The following KMT5B variants were observed in gnomAD, a reference collection of about 807,000 sequenced individuals.
KMT5B encodes histone-lysine N-methyltransferase KMT5B.
KMT5B carries 10 observed loss-of-function variants against 83.2 expected under a neutral mutation model. That is an observed-to-expected ratio of 0.12 (90% CI 0.07 to 0.20). The LOEUF (loss-of-function observed/expected upper bound fraction) is 0.20, where lower values mean the gene tolerates loss of function less well. Ranked by LOEUF, KMT5B falls within the 10% of genes least tolerant of loss-of-function variation. KMT5B has a pLI of 1.00. For synonymous variants in KMT5B, 349 were observed against 388.8 expected (o/e 0.90, Z 1.20); for missense variants, 753 against 1,067.2 (o/e 0.71, Z 4.10).
chr11:68,191,574 TC>T (rs1858073182), intron 1 of KMT5B, among the ~76,000 whole-genome samples: 1 of 152,106 alleles, frequency 6.6e-6, no homozygotes, highest in South Asian at 2.1e-4. Flanking sequence ...CCTCAAGTGA[TC>T]CACCTGCCTT....
chr11:68,201,445 C>G (rs1859430063), intron 1 of KMT5B, among the ~76,000 whole-genome samples: 1 of 152,276 alleles, frequency 6.6e-6, no homozygotes, highest in African/African-American at 2.4e-5. Context: ...CCTTCTCTTT[C>G]CAGGCTCTTT....
At chr11:68,181,183 G>A (rs188030719) in intron 3 of KMT5B, among the ~76,000 whole-genome samples, 4 of 150,514 alleles carry the variant, frequency 2.7e-5, no homozygotes, top group Admixed American at 6.7e-5. Flanking sequence ...CAAGTTATTC[G>A]CCTGCCTCAA....
At chr11:68,162,172 T>C (rs1369552098) in intron 10 of KMT5B, among the ~76,000 whole-genome samples, 2 of 152,218 alleles carry the variant, frequency 1.3e-5, no homozygotes, top group African/African-American at 4.8e-5. Context: ...GCATGAACTA[T>C]GGCAGTTTTG....
At chr11:68,206,828 T>C (rs1860176292) in intron 1 of KMT5B, among the ~76,000 whole-genome samples, 1 of 151,990 alleles carries the variant, frequency 6.6e-6, no homozygotes, top group Admixed American at 6.6e-5. Context: ...CCTCACCCAT[T>C]TAAAAAAGAA....
At chr11:68,194,463 G>A (rs1004277770) in intron 1 of KMT5B, among the ~76,000 whole-genome samples, 8 of 152,116 alleles carry the variant, frequency 5.3e-5, no homozygotes, top group African/African-American at 1.2e-4. Flanking sequence ...AAAGTGCTAC[G>A]ATTACAGGCA....
chr11:68,179,842 C>T (rs1425076117), intron 4 of KMT5B: 7 of 395,516 alleles, frequency 1.8e-5, no homozygotes, highest in East Asian at 1.7e-4. Context: ...TGAAAATAAA[C>T]GAGAACCAAA....
At chr11:68,205,107 T>TA (rs1056964122) in intron 1 of KMT5B, among the ~76,000 whole-genome samples, 25 of 151,198 alleles carry the variant, frequency 1.7e-4, no homozygotes, top group African/African-American at 6.1e-4. Flanking sequence ...AAACAAGTTT[T>TA]AAAAGACTGG....
chr11:68,183,253 A>G (rs1211944773), intron 3 of KMT5B, among the ~76,000 whole-genome samples: 1 of 151,942 alleles, frequency 6.6e-6, no homozygotes, highest in Non-Finnish European at 1.5e-5. Flanking sequence ...TGGGGGTGCT[A>G]CAGGGTGACA....
At chr11:68,172,985 A>G (rs942552230) in intron 6 of KMT5B, among the ~76,000 whole-genome samples, 1 of 152,118 alleles carries the variant, frequency 6.6e-6, no homozygotes, top group Non-Finnish European at 1.5e-5. Flanking sequence ...GATAGGAAAG[A>G]AGATACAGTA....
At chr11:68,205,291 C>T (rs954384424) in intron 1 of KMT5B, among the ~76,000 whole-genome samples, 2 of 152,106 alleles carry the variant, frequency 1.3e-5, no homozygotes, top group Non-Finnish European at 2.9e-5. Context: ...GCACTCCAGC[C>T]TGGGTGACAG....
At chr11:68,160,906 G>A (rs989075009) in intron 10 of KMT5B, among the ~76,000 whole-genome samples, 5 of 152,154 alleles carry the variant, frequency 3.3e-5, no homozygotes, top group African/African-American at 9.7e-5. Flanking sequence ...AAAATCGCAC[G>A]ATTGTACTCC....
intron 1 of KMT5B, among the ~76,000 whole-genome samples, chr11:68,204,435 GA>G (rs1478449863): frequency 6.6e-6 from 1 of 152,092 alleles, no homozygotes; most frequent in African/African-American, 2.4e-5. Context: ...ACAAAGTACA[GA>G]AGGTGAAGCA....
chr11:68,206,206 C>T (rs1248744026), intron 1 of KMT5B, among the ~76,000 whole-genome samples: 2 of 152,196 alleles, frequency 1.3e-5, no homozygotes, highest in African/African-American at 4.8e-5. Flanking sequence ...CACATTTGAT[C>T]CATCTGCTTA....
rs1349368905 is a variant in KMT5B at position 68,171,793 on chromosome 11, A to G, written c.654-84T>C. ...TTTAATAAAATAATCCTGACAATAA[A>G]TATCAGAAACTGAAAAGGCCTAGCT... is the stretch of plus-strand genomic sequence containing the variant. On this transcript the variant is annotated intron_variant, in intron 6 of 10. Coordinates refer to ENST00000304363, the MANE Select transcript of KMT5B (RefSeq NM_017635.5). This position sits in a 1 kb window ranked among gnomAD's most constrained non-coding sequence, Gnocchi z 5.1. 7 of 1,168,682 alleles carry G rather than the reference A, an allele frequency of 6.0e-6. No homozygotes were observed. The highest frequency in any genetic ancestry group is 1.5e-5 in the South Asian group (1 of 64,712). 72.4% of individuals were successfully genotyped at this position (1,168,682 alleles called of 1,614,324 possible). A position where few individuals can be genotyped will look rare whatever the true frequency, so the allele number is the denominator to read the frequency against.
chr11:68,212,975 GC>G (rs1247980626), intron 1 of KMT5B, among the ~76,000 whole-genome samples, 162 bp downstream of exon 1: 11 of 61,608 alleles, frequency 1.8e-4, no homozygotes, highest in Non-Finnish European at 3.4e-4. Flanking sequence ...CCGCAGCCCC[GC>G]CCCCCGCGCC....
chr11:68,176,449 T>C (rs1856385944), intron 4 of KMT5B: 1 of 152,194 alleles, frequency 6.6e-6, no homozygotes, highest in Non-Finnish European at 1.5e-5. Flanking sequence ...ATAAAGTTTT[T>C]ATTTTAAAAA....
chr11:68,201,549 T>C (rs1280142431), intron 1 of KMT5B, among the ~76,000 whole-genome samples: 3 of 152,142 alleles, frequency 2.0e-5, no homozygotes, highest in Non-Finnish European at 2.9e-5. Flanking sequence ...CAGGCATTTT[T>C]TGCTTAATAT....
intron 1 of KMT5B, among the ~76,000 whole-genome samples, chr11:68,195,725 A>T (rs1402081374): frequency 1.3e-5 from 2 of 152,134 alleles, no homozygotes; most frequent in Non-Finnish European, 2.9e-5. Flanking sequence ...GGTTTGCAAC[A>T]TTTTTTTTAC....
At position 68,157,787 on chromosome 11, in the gene KMT5B, A is replaced by T; in HGVS notation, c.2559T>A (p.Pro853=). The change falls in exon 11 of 11, where the codon CCT becomes CCA. Residue 853 remains proline (P), a synonymous_variant. Coordinates refer to ENST00000304363, the MANE Select transcript of KMT5B (RefSeq NM_017635.5). ...CTATTAACCTCAAGCGCTTAGCTGG[A>T]GGAAGAGGAATAAAATCGTCTTCAA... ...DDFEDDFIPL[P]PAKRLRLIVG... The T allele has an allele frequency of 6.2e-7, 1 of 1,614,208 alleles. No individual in the cohort carries two copies. Among genetic ancestry groups the T allele is most frequent in the Non-Finnish European group, 8.5e-7 (1 of 1,180,036 alleles).
Sources: gnomAD v4.1 joint callset for allele counts (sites outside exome capture counted in the v4.1 genomes callset) on GRCh38, gnomAD v4.1.1 for gene constraint, Gnocchi (gnomAD v3.1) non-coding constraint, MANE v1.5 for transcripts, NCBI Gene and HGNC (gene_info 2026-07-23, HGNC 2026-07-21) for gene names.